SSX5: variants seen among roughly 807,000 people sequenced by gnomAD.
SSX5 encodes protein SSX5.
SSX5 carries 14 observed loss-of-function variants against 14.9 expected under a neutral mutation model. The observed-to-expected ratio is 0.94, with a 90% CI of 0.62 to 1.47. The LOEUF is 1.47. SSX5 is among the 40% of genes most tolerant of loss of function. SSX5 has a pLI of 0.00. For missense variants in SSX5, 204 were observed against 154.6 expected (o/e 1.32, Z -1.70); for synonymous variants, 70 against 55.4 (o/e 1.26, Z -1.17).
At chrX:48,188,015 T>C (rs1212402556) in intron 6 of SSX5, among the ~76,000 whole-genome samples, 1 of 112,240 alleles carries the variant, frequency 8.9e-6, no homozygotes, top group African/African-American at 3.2e-5. Context: ...CATTCACCCT[T>C]ACCTCCTTTC....
At position 48,192,260 on chromosome X, in the gene SSX5, A is replaced by G; in HGVS notation, c.302T>C (p.Phe101Ser). The change falls in exon 5 of 8, where the codon TTC becomes TCC. Residue 101 changes from phenylalanine (F) to serine (S), a missense_variant. Phe to Ser is a radical substitution (Grantham distance 155). Coordinates refer to ENST00000347757, the MANE Select transcript of SSX5 (RefSeq NM_175723.2). ...GNQVEHPQMT[F>S]GRLQGIFPKI... is the part of the protein sequence containing the mutation. ...CGGGAAGATTCCCTGGAGCCTGCCG[A>G]AAGTCATCTGAGGATGTTCAACTGA... 8.3e-7 allele frequency: 1 copy of G among 1,211,688 alleles called. No individual in the cohort carries two copies. The highest frequency in any genetic ancestry group is 1.1e-6 in the Non-Finnish European group (1 of 895,337).
chrX:48,194,898 T>A (rs1556925517), intron 2 of SSX5, 44 bp from the exon 3 acceptor site: 2 of 1,203,983 alleles, frequency 1.7e-6, no homozygotes, highest in Admixed American at 4.4e-5. Flanking sequence ...CAGCTAGGCA[T>A]GTCTGCCATT....
At chrX:48,191,744 C>A (rs782633501) in intron 5 of SSX5, among the ~76,000 whole-genome samples, 2 of 112,219 alleles carry the variant, frequency 1.8e-5, no homozygotes, top group East Asian at 2.8e-4. Context: ...ACTACCACTG[C>A]CACTGCGCCT....
rs1228038606 is a variant in SSX5, at chrX:48,186,413, C to T, written c.*448G>A. ...GTGTGTGTGTGTGTGTGCGCGCGCG[C>T]GCGCATGTGTGTCTGTGTGGCATGT... On this transcript the variant is annotated 3_prime_UTR_variant, in exon 8 of 8. Coordinates refer to ENST00000347757, the MANE Select transcript of SSX5 (RefSeq NM_175723.2). The T allele has an allele frequency of 2.2e-5, 6 of 266,802 alleles. No individual in the cohort carries two copies. The highest frequency in any genetic ancestry group is 1.2e-3 in the Middle Eastern group (1 of 826). 22.0% of individuals were successfully genotyped at this position (266,802 alleles called of 1,213,427 possible).
chrX:48,190,455 A>G (rs1490372870), intron 5 of SSX5, among the ~76,000 whole-genome samples, 187 bp from the exon 6 acceptor site: 1 of 111,850 alleles, frequency 8.9e-6, no homozygotes, highest in Non-Finnish European at 1.9e-5. Context: ...GCCTAACTGA[A>G]TATGGTTTCC....
Position 48,195,108 on chromosome X carries a change from C to T in SSX5, c.69+182G>A. ...AGATTCACCAAATGTATTCCACGGT[C>T]ACAGACTTGTCTCCAGGGATGCTAG... is the stretch of plus-strand genomic sequence containing the variant. On this transcript the variant is annotated intron_variant, in intron 2 of 7. Transcript: ENST00000347757. The T allele has an allele frequency of 8.3e-7, 1 of 1,211,648 alleles. No homozygotes were observed. Among genetic ancestry groups the T allele is most frequent in the Non-Finnish European group, 1.1e-6 (1 of 895,389 alleles).
chrX:48,187,490 A>C (rs782588070), intron 7 of SSX5, 137 bp downstream of exon 7: 73 of 821,332 alleles, frequency 8.9e-5, no homozygotes, highest in Non-Finnish European at 1.2e-4. Flanking sequence ...AAATTTCATC[A>C]TTCAGCCTCA....
intron 7 of SSX5, 63 bp downstream of exon 7, chrX:48,187,564 C>T: frequency 1.8e-6 from 2 of 1,124,522 alleles, no homozygotes; most frequent in Non-Finnish European, 2.4e-6. Context: ...AGATGGGATA[C>T]CAGTACCATA....
At chrX:48,192,738 C>T (rs781977090) in intron 4 of SSX5, among the ~76,000 whole-genome samples, 8 of 112,108 alleles carry the variant, frequency 7.1e-5, no homozygotes, top group Non-Finnish European at 1.3e-4. Flanking sequence ...AAAGACAGTC[C>T]TTTAACGTCA....
chrX:48,195,104 C>T lies in SSX5; in HGVS notation c.69+186G>A, dbSNP rs782029103. 79 of 1,209,675 alleles carry T rather than the reference C, an allele frequency of 6.5e-5. No homozygotes were observed. Among genetic ancestry groups the T allele is most frequent in the Non-Finnish European group, 8.2e-5 (73 of 894,998 alleles). ...ACTGAGATTCACCAAATGTATTCCA[C>T]GGTCACAGACTTGTCTCCAGGGATG... On this transcript the variant is annotated intron_variant, in intron 2 of 7. Coordinates refer to ENST00000347757, the MANE Select transcript of SSX5 (RefSeq NM_175723.2).
At chrX:48,196,057 G>T (rs528985088) in intron 1 of SSX5, among the ~76,000 whole-genome samples, 73 of 111,110 alleles carry the variant, frequency 6.6e-4, no homozygotes, top group African/African-American at 2.3e-3. Flanking sequence ...AGGCCAAGGC[G>T]TGCAGATCGC....
At chrX:48,191,573 T>C (rs2059420271) in intron 5 of SSX5, among the ~76,000 whole-genome samples, 1 of 111,787 alleles carries the variant, frequency 8.9e-6, no homozygotes, top group African/African-American at 3.3e-5. Flanking sequence ...GTGGCCCCAG[T>C]AACAGATCAG....
rs2059396303 is a variant in SSX5 at position 48,186,391 on chromosome X, TGTGTGTGTGTGTGCGC to T, written c.*454_*469del. ...GTGTGTGTGTGTGTGTGTGTGTGTG[TGTGTGTGTGTGTGCGC>T]GCGCGCGCGCATGTGTGTCTGTGTG... On this transcript the variant is annotated 3_prime_UTR_variant, in exon 8 of 8. Transcript: ENST00000347757. The T allele has an allele frequency of 4.2e-6, 1 of 236,509 alleles. No individual in the cohort carries two copies. The highest frequency in any genetic ancestry group is 9.8e-5 in the East Asian group (1 of 10,166). 19.5% of individuals were successfully genotyped at this position (236,509 alleles called of 1,213,427 possible).
intron 2 of SSX5, 95 bp downstream of exon 2, chrX:48,195,195 C>T: frequency 8.3e-7 from 1 of 1,208,524 alleles, no homozygotes; most frequent in Non-Finnish European, 1.1e-6. Context: ...GACCCTGGTC[C>T]TTGTCCCCAG....
At chrX:48,190,937 G>A (rs1223483758) in intron 5 of SSX5, among the ~76,000 whole-genome samples, 9 of 107,911 alleles carry the variant, frequency 8.3e-5, no homozygotes, top group African/African-American at 2.7e-4. Flanking sequence ...ATGGAGTCTC[G>A]TTCTTTTGCC....
chrX:48,188,759 C>A (rs1458932777), intron 6 of SSX5, among the ~76,000 whole-genome samples: 7 of 112,410 alleles, frequency 6.2e-5, no homozygotes, highest in African/African-American at 2.3e-4. Flanking sequence ...AGGCTGAAAG[C>A]TAAGCCTCTT....
In SSX5 at chrX:48,193,334, T is replaced by C. The variant is rs2059427319; in HGVS notation, c.280+795A>G. Among the ~76,000 whole-genome samples, 3 of 111,054 alleles carry C rather than the reference T, an allele frequency of 2.7e-5. No homozygotes were observed. In the South Asian group the frequency reaches 1.2e-3, roughly 43 times the overall value. On this transcript the variant is annotated intron_variant, in intron 4 of 7. Coordinates refer to ENST00000347757, the MANE Select transcript of SSX5 (RefSeq NM_175723.2). Reference sequence around the variant, plus strand: ...AGTGCTTAGGAAGAACAACATGTCGTTTAAAAAAGAAATATTTCAAACACA... The same window carrying C: ...AGTGCTTAGGAAGAACAACATGTCGCTTAAAAAAGAAATATTTCAAACACA...
At chrX:48,192,646 C>A (rs1185564763) in intron 4 of SSX5, among the ~76,000 whole-genome samples, 1 of 112,415 alleles carries the variant, frequency 8.9e-6, no homozygotes, top group Non-Finnish European at 1.9e-5. Flanking sequence ...ATGGGTGAAT[C>A]TTATGGTATG....
intron 6 of SSX5, among the ~76,000 whole-genome samples, chrX:48,189,368 A>G (rs2059411206): frequency 1.0e-5 from 1 of 98,494 alleles, no homozygotes; most frequent in Non-Finnish European, 2.1e-5. Flanking sequence ...GCATTCATGA[A>G]CGGAAGAGCT....
Sources: allele counts gnomAD v4.1 joint callset (sites outside exome capture counted in the v4.1 genomes callset), GRCh38; gene constraint gnomAD v4.1.1; transcripts MANE v1.5; gene names NCBI Gene and HGNC (gene_info 2026-07-23, HGNC 2026-07-21).